The following ATF6 variants were observed in gnomAD, a reference collection of about 807,000 sequenced individuals.
ATF6 encodes the protein cyclic AMP-dependent transcription factor ATF-6 alpha.
ATF6 carries 53 observed loss-of-function variants against 83.6 expected under a neutral mutation model. That is an observed-to-expected ratio of 0.63 (90% confidence interval 0.51 to 0.80). ATF6 has a LOEUF of 0.80. Ranked by LOEUF, ATF6 falls within the 30% of genes least tolerant of loss-of-function variation. ATF6 has a pLI of 0.00. For missense variants in ATF6, 744 were observed against 797.9 expected, an observed-to-expected ratio of 0.93 and a Z score of 0.81; for synonymous variants, 288 against 285.8, an observed-to-expected ratio of 1.01 and a Z score of -0.08.
chr1:161,949,871 A>T (rs543495875), intron 15 of ATF6, among the ~76,000 whole-genome samples: 21 of 152,290 alleles, frequency 1.4e-4, no homozygotes, highest in African/African-American at 5.1e-4. Context: ...CCAACATGAG[A>T]TTTGGAGGGG....
intron 1 of ATF6, among the ~76,000 whole-genome samples, chr1:161,775,896 G>GTGTATA (rs1553227147): frequency 2.2e-4 from 33 of 149,908 alleles, no homozygotes; most frequent in African/African-American, 6.8e-4. Context: ...ATACATGTGT[G>GTGTATA]TATATATATA....
intron 12 of ATF6, among the ~76,000 whole-genome samples, chr1:161,853,635 T>C (rs1686694460): frequency 6.6e-6 from 1 of 152,232 alleles, no homozygotes; most frequent in Admixed American, 6.5e-5. Context: ...TTTGTCACAA[T>C]GGTATAATAA....
chr1:161,925,504 A>G (rs1400871745), intron 15 of ATF6, among the ~76,000 whole-genome samples: 2 of 152,186 alleles, frequency 1.3e-5, no homozygotes, highest in Admixed American at 6.5e-5. Context: ...CCCTAAGTCC[A>G]TGGAATAGGT....
At chr1:161,874,178 A>C (rs1250594058) in intron 14 of ATF6, among the ~76,000 whole-genome samples, 1 of 151,638 alleles carries the variant, frequency 6.6e-6, no homozygotes, top group Non-Finnish European at 1.5e-5. Flanking sequence ...TAATACATGG[A>C]CAGAAAGGAT....
intron 7 of ATF6, among the ~76,000 whole-genome samples, chr1:161,808,832 A>G (rs1021921524): frequency 3.3e-5 from 5 of 151,990 alleles, no homozygotes. Context: ...TGGCCTCCCA[A>G]AGTGCTGAGA....
chr1:161,873,303 T>A (rs75624242), intron 14 of ATF6, among the ~76,000 whole-genome samples: 1 of 151,570 alleles, frequency 6.6e-6, no homozygotes, highest in African/African-American at 2.4e-5. Context: ...AATGGTTTTA[T>A]AATTTTTTCT....
chr1:161,878,009 CTG>C (rs1341322006), intron 14 of ATF6, among the ~76,000 whole-genome samples: 1 of 152,068 alleles, frequency 6.6e-6, no homozygotes, highest in Non-Finnish European at 1.5e-5. Context: ...TTTGAAATGT[CTG>C]TGAGACATTC....
At chr1:161,929,880 G>GT (rs1210457344) in intron 15 of ATF6, among the ~76,000 whole-genome samples, 1 of 152,226 alleles carries the variant, frequency 6.6e-6, no homozygotes, top group African/African-American at 2.4e-5. Flanking sequence ...CATTTGGTCT[G>GT]TGCAGGTACA....
rs575511842 is a variant in ATF6 at position 161,963,350 on chromosome 1, G to A, written c.*4696G>A. 3.9e-5 allele frequency: 6 copies of A among 152,284 alleles called. No homozygotes were observed. The East Asian group carries it at 5.8e-4, about 15-fold the overall frequency. The allele number at this position is 152,284 out of a possible 1,614,324, so 9.4% of individuals were successfully genotyped here. A position where few individuals can be genotyped will look rare whatever the true frequency, so the allele number is the denominator to read the frequency against. ...ATCTGATTAGAAAATTTGATCTTAC[G>A]CATGAATCCATGTCATGGCCAGCCA... On this transcript the variant is annotated 3_prime_UTR_variant, in exon 16 of 16. Coordinates refer to ENST00000367942, the MANE Select transcript of ATF6 (RefSeq NM_007348.4).
At chr1:161,804,382 C>G (rs1354005366) in intron 7 of ATF6, among the ~76,000 whole-genome samples, 1 of 151,960 alleles carries the variant, frequency 6.6e-6, no homozygotes, top group Non-Finnish European at 1.5e-5. Context: ...TCATCCCAAA[C>G]ATGGAAAAGT....
At chr1:161,799,374 T>C (rs1198797793) in intron 6 of ATF6, among the ~76,000 whole-genome samples, 2 of 152,178 alleles carry the variant, frequency 1.3e-5, no homozygotes, top group Non-Finnish European at 2.9e-5. Flanking sequence ...GTGGGAGTTA[T>C]ACATTGAGTA....
At position 161,851,719 on chromosome 1, in the gene ATF6, C is replaced by T; in HGVS notation, c.1320-3C>T. 6.2e-7 allele frequency: 1 copy of T among 1,605,440 alleles called. No individual in the cohort carries two copies. The highest frequency in any genetic ancestry group is 1.1e-5 in the South Asian group (1 of 89,950). On this transcript the variant is annotated splice_polypyrimidine_tract_variant and splice_region_variant and intron_variant, in intron 10 of 15. Transcript: ENST00000367942. ...AAACAAATTTTGTGCATCCATGTTT[C>T]AGATATGATCATTCTGTTTCAAATG... is the stretch of plus-strand genomic sequence containing the variant.
intron 7 of ATF6, among the ~76,000 whole-genome samples, chr1:161,813,186 A>C (rs770004765): frequency 6.6e-6 from 1 of 152,168 alleles, no homozygotes; most frequent in Non-Finnish European, 1.5e-5. Flanking sequence ...ATTTATAAAA[A>C]TTAAGATAGT....
chr1:161,772,182 A>T (rs968517641), intron 1 of ATF6, among the ~76,000 whole-genome samples: 1 of 152,094 alleles, frequency 6.6e-6, no homozygotes, highest in Non-Finnish European at 1.5e-5. Context: ...ATGGACAGTC[A>T]TTGTCACTAT....
At chr1:161,883,317 T>G (rs1292862927) in intron 14 of ATF6, among the ~76,000 whole-genome samples, 1 of 152,034 alleles carries the variant, frequency 6.6e-6, no homozygotes, top group Non-Finnish European at 1.5e-5. Flanking sequence ...TAATCTCTTC[T>G]AATAATCTTT....
chr1:161,827,095 C>G (rs1685922503), intron 9 of ATF6, among the ~76,000 whole-genome samples: 1 of 152,032 alleles, frequency 6.6e-6, no homozygotes, highest in Non-Finnish European at 1.5e-5. Context: ...CTATGCCCAG[C>G]TAATTTTTTG....
chr1:161,879,363 A>G (rs1236879275), intron 14 of ATF6, among the ~76,000 whole-genome samples: 7 of 152,138 alleles, frequency 4.6e-5, no homozygotes, highest in Non-Finnish European at 8.8e-5. Context: ...AGTATGCCGT[A>G]TGCTTTAAAG....
intron 1 of ATF6, among the ~76,000 whole-genome samples, chr1:161,777,023 T>C (rs1426349729): frequency 6.6e-6 from 1 of 152,218 alleles, no homozygotes; most frequent in African/African-American, 2.4e-5. Context: ...AAGAAAATGC[T>C]TCAGTTAAAA....
intron 7 of ATF6, among the ~76,000 whole-genome samples, chr1:161,816,003 A>G (rs991675783): frequency 7.2e-5 from 11 of 152,320 alleles, no homozygotes; most frequent in African/African-American, 2.4e-4. Context: ...TGACTCTTAC[A>G]TTGATTCAAC....
Sources: allele counts gnomAD v4.1 joint callset (sites outside exome capture counted in the v4.1 genomes callset), GRCh38; gene constraint gnomAD v4.1.1; transcripts MANE v1.5; gene names NCBI Gene and HGNC (gene_info 2026-07-23, HGNC 2026-07-21).